The following ARFGAP2 variants were observed in gnomAD, a reference collection of about 807,000 sequenced individuals.
The protein encoded by ARFGAP2 is ADP-ribosylation factor GTPase-activating protein 2.
In ARFGAP2, 45 loss-of-function variants were observed where a neutral mutation model predicts 71.9. The ratio of observed to expected loss-of-function variants is 0.63; its 90% CI spans 0.49 to 0.80. The LOEUF is 0.80. Ranked by LOEUF, ARFGAP2 falls within the 30% of genes least tolerant of loss-of-function variation. The pLI, the probability that ARFGAP2 is intolerant of heterozygous loss-of-function variation, is 0.00. For missense variants in ARFGAP2, 633 were observed against 673.9 expected (o/e 0.94, Z 0.67); for synonymous variants, 248 against 249.2 (o/e 1.00, Z 0.05).
chr11:47,176,446 C>A, intron 2 of ARFGAP2, 70 bp downstream of exon 2: 1 of 1,431,476 alleles, frequency 7.0e-7, no homozygotes, highest in Non-Finnish European at 9.8e-7. Flanking sequence ...TCGAGGCAGC[C>A]ACTCTCCCTT....
chr11:47,166,555 G>A lies in ARFGAP2; in HGVS notation c.1377C>T (p.Ala459=). The A allele has an allele frequency of 6.2e-7, 1 of 1,612,464 alleles. No individual in the cohort carries two copies. Among genetic ancestry groups the A allele is most frequent in the Non-Finnish European group, 8.5e-7 (1 of 1,180,018 alleles). The change falls in exon 14 of 16, where the codon GCC becomes GCT. Residue 459 remains alanine (A), a synonymous_variant. Transcript: ENST00000524782. ...CCCCAAAGAGGTCTGAAGAGCTGAT[G>A]GCACTGCTGCCTGAGAGCTGCTGCA... ...SRLQQLSGSS[A]ISSSDLFGDM...
Position 47,176,624 on chromosome 11 carries a change from T to C in ARFGAP2, c.83A>G (p.Asp28Gly). The change falls in exon 2 of 16, where the codon GAC becomes GGC. Residue 28 changes from aspartate to glycine, a missense_variant. Coordinates refer to ENST00000524782, the MANE Select transcript of ARFGAP2 (RefSeq NM_032389.6). The stretch of plus-strand genomic sequence containing the variant: ...CCAACTCGGATTCTTGGCGCCGCAG[T>C]CGAAACAGGCCTGGGTGGAGGCGGC... ...RAVPTNKACFDCGAKNPSWAS... is the reference protein window; with the variant it reads ...RAVPTNKACFGCGAKNPSWAS... 6.2e-7 allele frequency: 1 copy of C among 1,613,996 alleles called. No homozygotes were observed. Among genetic ancestry groups the C allele is most frequent in the Non-Finnish European group, 8.5e-7 (1 of 1,180,016 alleles).
chr11:47,176,110 T>C (rs907708705), intron 2 of ARFGAP2, 187 bp from the exon 3 acceptor site: 2 of 629,174 alleles, frequency 3.2e-6, no homozygotes, highest in Admixed American at 5.6e-5. Context: ...CTCCAAAGAG[T>C]ACTAATTATG....
At position 47,176,444 on chromosome 11, in the gene ARFGAP2, G is replaced by A. The variant is rs114260378; in HGVS notation, c.191+72C>T. The A allele has an allele frequency of 1.3e-3, 1,895 of 1,417,344 alleles. 19 individuals are homozygous for A. In the African/African-American group the frequency reaches 0.023, roughly 17 times the overall value. The allele number at this position is 1,417,344 out of a possible 1,614,324, so 87.8% of individuals were successfully genotyped here. On this transcript the variant is annotated intron_variant, in intron 2 of 15. Coordinates refer to ENST00000524782, the MANE Select transcript of ARFGAP2 (RefSeq NM_032389.6). ...ATTCAGAGCGGCCCAAGTCGAGGCAGCCACTCTCCCTTGTTGCCCAGACAC... is the reference window on the plus strand; with the variant it reads ...ATTCAGAGCGGCCCAAGTCGAGGCAACCACTCTCCCTTGTTGCCCAGACAC...
chr11:47,170,323 CAAAAAAAA>C (rs34843394), intron 10 of ARFGAP2, among the ~76,000 whole-genome samples: 9 of 73,944 alleles, frequency 1.2e-4, no homozygotes, highest in East Asian at 7.5e-4. Context: ...GACTCCATCT[CAAAAAAAA>C]AAAAAAAAAA....
chr11:47,176,438 G>A, intron 2 of ARFGAP2, 78 bp downstream of exon 2: 1 of 1,375,906 alleles, frequency 7.3e-7, no homozygotes, highest in Non-Finnish European at 1.0e-6. Flanking sequence ...GGCCCAAGTC[G>A]AGGCAGCCAC....
At chr11:47,174,957 G>C (rs908946148) in intron 5 of ARFGAP2, 58 bp downstream of exon 5, 3 of 1,561,640 alleles carry the variant, frequency 1.9e-6, no homozygotes, top group Non-Finnish European at 2.6e-6. Context: ...GAAGGCCTGG[G>C]CCTTGGTAAA....
chr11:47,168,432 T>C (rs1590948563), intron 10 of ARFGAP2, 181 bp from the exon 11 acceptor site: 2 of 699,138 alleles, frequency 2.9e-6, no homozygotes, highest in East Asian at 5.6e-5. Flanking sequence ...TGGTGACCTG[T>C]GAAGCACACC....
chr11:47,165,611 G>A (rs1736003178), intron 15 of ARFGAP2, 109 bp from the exon 16 acceptor site: 4 of 1,263,466 alleles, frequency 3.2e-6, no homozygotes, highest in Admixed American at 2.4e-5. Context: ...AGACTGGGGA[G>A]GCAGGGGCTG....
At chr11:47,168,410 G>A (rs1458645234) in intron 10 of ARFGAP2, 159 bp from the exon 11 acceptor site, 3 of 921,506 alleles carry the variant, frequency 3.3e-6, no homozygotes, top group Non-Finnish European at 4.8e-6. Flanking sequence ...CCAACAGAAG[G>A]CTAGCTGTGT....
Position 47,176,866 on chromosome 11 carries a change from C to T in ARFGAP2, c.-13G>A, listed in dbSNP as rs531583378. ...GCTCCGCCGCCATTTTCTCTCCTTC[C>T]CAGACACAACCGCGGCTGACGGGTC... On this transcript the variant is annotated 5_prime_UTR_variant, in exon 1 of 16. Transcript: ENST00000524782. 1 of 1,611,682 alleles carries T rather than the reference C, an allele frequency of 6.2e-7. No homozygotes were observed. The highest frequency in any genetic ancestry group is 1.3e-5 in the African/African-American group (1 of 74,924).
rs927387141 is a variant in ARFGAP2 at position 47,172,219 on chromosome 11, T to G, written c.672+62A>C. The G allele has an allele frequency of 5.8e-6, 9 of 1,540,174 alleles. No homozygotes were observed. The African/African-American group carries it at 8.2e-5, about 14-fold the overall frequency. On this transcript the variant is annotated intron_variant, in intron 8 of 15. Coordinates refer to ENST00000524782, the MANE Select transcript of ARFGAP2 (RefSeq NM_032389.6). ...GCTGGTAAGTGGTAAGGTCAAGGAGTGAACCCAGGTAGCCTGCACCCAGCT... is the reference window on the plus strand; with the variant it reads ...GCTGGTAAGTGGTAAGGTCAAGGAGGGAACCCAGGTAGCCTGCACCCAGCT...
rs7117346 is a variant in ARFGAP2 at position 47,165,516 on chromosome 11, G to A, written c.1546-14C>T. 343,996 of 1,534,220 alleles carry A rather than the reference G, an allele frequency of 0.22. 42,331 individuals carry two copies. Among genetic ancestry groups the A allele is most frequent in the African/African-American group, 0.43 (29,833 of 68,778 alleles). On this transcript the variant is annotated splice_polypyrimidine_tract_variant and intron_variant, in intron 15 of 15. Coordinates refer to ENST00000524782, the MANE Select transcript of ARFGAP2 (RefSeq NM_032389.6). ...ACCGTAGCGATCCTGGGGGCGAGGG[G>A]GGAGAAAAAAAAAAAAAAAGTCAGA...
intron 7 of ARFGAP2, 163 bp downstream of exon 7, chr11:47,173,263 G>T: frequency 1.2e-6 from 1 of 846,918 alleles, no homozygotes; most frequent in Non-Finnish European, 1.9e-6. Context: ...TAAAATCAGT[G>T]TTGCATCCAC....
intron 5 of ARFGAP2, 117 bp downstream of exon 5, chr11:47,174,898 T>C: frequency 1.9e-6 from 2 of 1,066,230 alleles, no homozygotes; most frequent in Non-Finnish European, 2.8e-6. Context: ...TCATACGTGG[T>C]GTCCAAGACA....
intron 2 of ARFGAP2, 90 bp downstream of exon 2, chr11:47,176,426 G>C: frequency 7.9e-7 from 1 of 1,264,328 alleles, no homozygotes; most frequent in South Asian, 1.3e-5. Flanking sequence ...CGAATTCAGA[G>C]CGGCCCAAGT....
chr11:47,170,669 T>C (rs1488681876), intron 10 of ARFGAP2, among the ~76,000 whole-genome samples: 1 of 151,934 alleles, frequency 6.6e-6, no homozygotes, highest in Admixed American at 6.6e-5. Context: ...TAAAAAGCCA[T>C]AGCAGCCAGA....
At chr11:47,171,213 G>A (rs1952584787) in intron 10 of ARFGAP2, among the ~76,000 whole-genome samples, 1 of 152,206 alleles carries the variant, frequency 6.6e-6, no homozygotes, top group Non-Finnish European at 1.5e-5. Context: ...CTGATCCTGT[G>A]TTTTGTTCAC....
chr11:47,165,568 C>T, intron 15 of ARFGAP2, 66 bp from the exon 16 acceptor site: 1 of 1,485,324 alleles, frequency 6.7e-7, no homozygotes, highest in Non-Finnish European at 9.0e-7. Flanking sequence ...AGCTTCCCAG[C>T]AAACACACTG....
Sources: allele counts gnomAD v4.1 joint callset (sites outside exome capture counted in the v4.1 genomes callset), GRCh38; gene constraint gnomAD v4.1.1; transcripts MANE v1.5; gene names NCBI Gene and HGNC (gene_info 2026-07-23, HGNC 2026-07-21).